Variants in JAK1 observed in about 807,000 individuals in gnomAD.
The protein encoded by JAK1 is Janus kinase 1, also known as tyrosine-protein kinase JAK1.
JAK1 carries 16 observed loss-of-function variants against 136.6 expected under a neutral mutation model. The observed-to-expected ratio is 0.12, with a 90% CI of 0.08 to 0.18. JAK1 has a LOEUF of 0.18. Ranked by LOEUF, JAK1 falls within the 10% of genes least tolerant of loss-of-function variation. The pLI, the probability that JAK1 is intolerant of heterozygous loss-of-function variation, is 1.00. For synonymous variants in JAK1, 492 were observed against 519.5 expected, an observed-to-expected ratio of 0.95 and a Z score of 0.72; for missense variants, 859 against 1,450.1, an observed-to-expected ratio of 0.59 and a Z score of 6.62.
At chr1:64,872,920 G>GT (rs964826688) in intron 5 of JAK1, among the ~76,000 whole-genome samples, 8 of 151,812 alleles carry the variant, frequency 5.3e-5, no homozygotes, top group Middle Eastern at 3.4e-3. Context: ...CTTCTCTTTT[G>GT]TTTTTTTTCT....
At chr1:65,057,134 C>T (rs958026366) in intron 1 of JAK1, among the ~76,000 whole-genome samples, 1 of 152,034 alleles carries the variant, frequency 6.6e-6, no homozygotes, top group African/African-American at 2.4e-5. Context: ...GTAATATACC[C>T]GATTAGGCTC....
At chr1:64,909,840 C>G (rs759538164) in intron 1 of JAK1, among the ~76,000 whole-genome samples, 9 of 151,956 alleles carry the variant, frequency 5.9e-5, no homozygotes, top group African/African-American at 1.9e-4. Context: ...AAGACAGGGT[C>G]TCAAAAAAAT....
intron 1 of JAK1, among the ~76,000 whole-genome samples, chr1:64,945,405 T>G (rs754380645): frequency 7.9e-5 from 12 of 152,142 alleles, no homozygotes; most frequent in Non-Finnish European, 1.8e-4. Context: ...GCACTATTTA[T>G]AACAGCAAAA....
chr1:64,954,941 G>A (rs1460861523), intron 1 of JAK1, among the ~76,000 whole-genome samples: 1 of 152,056 alleles, frequency 6.6e-6, no homozygotes, highest in Non-Finnish European at 1.5e-5. Context: ...TCTGAGGAGA[G>A]AGATCAATAA....
intron 1 of JAK1, among the ~76,000 whole-genome samples, chr1:64,928,778 C>CAAAAAAAAAAAAAAAAAAAAAAAAAAAAA (rs1183218798): frequency 1.5e-4 from 9 of 61,116 alleles, no homozygotes; most frequent in Non-Finnish European, 2.5e-4. Flanking sequence ...TAAAACTCTG[C>CAAAAAAAAAAAAAAAAAAAAAAAAAAAAA]AAAAAAAAAA....
chr1:65,033,700 T>A, intron 2 of JAK1, among the ~76,000 whole-genome samples: 1 of 130,750 alleles, frequency 7.6e-6, no homozygotes. Flanking sequence ...TCAGCCCAGG[T>A]AACATTGTGA....
intron 1 of JAK1, among the ~76,000 whole-genome samples, chr1:64,928,796 A>AAAAAAAC (rs58742571): frequency 3.2e-5 from 4 of 125,268 alleles, no homozygotes; most frequent in Admixed American, 1.5e-4. Context: ...AAAAAAAAAA[A>AAAAAAAC]CAAAAAAAAA....
chr1:64,836,603 T>G (rs1034195074), intron 22 of JAK1, among the ~76,000 whole-genome samples: 3 of 152,158 alleles, frequency 2.0e-5, no homozygotes, highest in African/African-American at 7.2e-5. Context: ...TCCAATCCTC[T>G]TCCAGCATTG....
chr1:64,860,164 G>A lies in JAK1; in HGVS notation c.1275C>T (p.Thr425=), dbSNP rs771816006. The change falls in exon 9 of 25, where the codon ACC becomes ACT. Residue 425 remains threonine, a synonymous_variant. Transcript: ENST00000342505. ...GGACGATCAACGGGGGGGCCACGTC[G>A]GTGCAGAGGTAATGATGGGCATCTG... ...LTADAHHYLC[T]DVAPPLIVHN... 3.0e-5 allele frequency: 48 copies of A among 1,606,232 alleles called. No homozygotes were observed. The highest frequency in any genetic ancestry group is 3.6e-5 in the Non-Finnish European group (42 of 1,174,596).
chr1:65,016,227 A>G (rs1046044384), intron 2 of JAK1, among the ~76,000 whole-genome samples: 2 of 152,202 alleles, frequency 1.3e-5, no homozygotes, highest in African/African-American at 4.8e-5. Context: ...CTAGTTACTG[A>G]GTTTCAGTTT....
Position 65,038,938 on chromosome 1 carries a change from T to TTGTG in JAK1, c.-78+5538_-78+5541dup, listed in dbSNP as rs150814115. Among the ~76,000 whole-genome samples the TTGTG allele has an allele frequency of 6.4e-3, 949 of 147,942 alleles. 12 individuals carry two copies. The highest frequency in any genetic ancestry group is 0.022 in the African/African-American group (873 of 40,240). ...CAGGCGTGAGCCACCGCACCCAGTC[T>TTGTG]TGTGTGTGTGTGTGTGTGTGTGTGT... On this transcript the variant is annotated intron_variant, in intron 2 of 25. Coordinates refer to the JAK1 transcript ENST00000671954.
intron 1 of JAK1, among the ~76,000 whole-genome samples, chr1:65,058,891 AACT>A (rs954067135): frequency 6.6e-6 from 1 of 152,140 alleles, no homozygotes; most frequent in African/African-American, 2.4e-5. Flanking sequence ...TATACCGAGG[AACT>A]ACTACGTTCT....
intron 1 of JAK1, among the ~76,000 whole-genome samples, chr1:64,909,923 G>A (rs1465271410): frequency 6.7e-6 from 1 of 150,224 alleles, no homozygotes; most frequent in African/African-American, 2.5e-5. Flanking sequence ...GAGGTTAATA[G>A]GCAACATATG....
At chr1:64,927,638 G>A (rs967921461) in intron 1 of JAK1, among the ~76,000 whole-genome samples, 34 of 152,182 alleles carry the variant, frequency 2.2e-4, no homozygotes, top group African/African-American at 7.5e-4. Context: ...GAATCCTTAA[G>A]GTAACAGGTT....
chr1:65,024,766 C>T (rs2100800639), intron 2 of JAK1, among the ~76,000 whole-genome samples: 1 of 151,882 alleles, frequency 6.6e-6, no homozygotes, highest in East Asian at 1.9e-4. Flanking sequence ...CACATGAGGT[C>T]AGGAGTTTGA....
At chr1:64,937,035 TAAA>T (rs370992503) in intron 1 of JAK1, among the ~76,000 whole-genome samples, 8 of 137,414 alleles carry the variant, frequency 5.8e-5, no homozygotes, top group African/African-American at 2.1e-4. Flanking sequence ...AATGACTGTT[TAAA>T]AAAAAAAAAA....
At chr1:64,927,135 T>C (rs1263591906) in intron 1 of JAK1, among the ~76,000 whole-genome samples, 1 of 152,228 alleles carries the variant, frequency 6.6e-6, no homozygotes, top group Non-Finnish European at 1.5e-5. Flanking sequence ...GGTCTGCTTA[T>C]GTGCTCACCT....
chr1:65,004,640 T>A (rs1383579151), intron 2 of JAK1, among the ~76,000 whole-genome samples: 1 of 152,192 alleles, frequency 6.6e-6, no homozygotes. Context: ...AACAAGTAGA[T>A]GTGAAGATCA....
intron 1 of JAK1, among the ~76,000 whole-genome samples, chr1:65,067,059 C>G (rs1648084475): frequency 6.6e-6 from 1 of 152,088 alleles, no homozygotes; most frequent in African/African-American, 2.4e-5. Flanking sequence ...CGCTACCCCT[C>G]GGGAAAAACA....
Sources: allele counts gnomAD v4.1 joint callset (sites outside exome capture counted in the v4.1 genomes callset), GRCh38; gene constraint gnomAD v4.1.1; transcripts MANE v1.5; gene names NCBI Gene and HGNC (gene_info 2026-07-23, HGNC 2026-07-21).